Variants in FLNA observed in about 807,000 individuals in gnomAD.
The protein encoded by FLNA is filamin-A.
In FLNA, 7 loss-of-function variants were observed where a neutral mutation model predicts 157.6. That is an observed-to-expected ratio of 0.04 (90% CI 0.03 to 0.08). FLNA has a LOEUF of 0.08. FLNA is among the 10% of genes least tolerant of loss of function. The pLI, the probability that FLNA is intolerant of heterozygous loss-of-function variation, is 1.00. For missense variants in FLNA, 1,750 were observed against 2,398.4 expected, an observed-to-expected ratio of 0.73 and a Z score of 5.65; for synonymous variants, 1,103 against 1,060.8, an observed-to-expected ratio of 1.04 and a Z score of -0.77.
chrX:154,355,227 G>A (rs1200813063), intron 30 of FLNA, among the ~76,000 whole-genome samples, 155 bp from the exon 31 acceptor site: 1 of 113,564 alleles, frequency 8.8e-6, no homozygotes, highest in Non-Finnish European at 1.9e-5. Context: ...CCTCCAAGCT[G>A]GGATGGCGAG....
In FLNA at chrX:154,366,786, A is replaced by G. The variant is rs782592312; in HGVS notation, c.933T>C (p.Ala311=). Residue 311 remains alanine (A), a synonymous_variant, in exon 6 of 48, where the codon GCT becomes GCC. Transcript: ENST00000369850. The part of the protein sequence containing the change: ...RAEFTVETRS[A]GQGEVLVYVE... ...CGTACACCAGCACCTCTCCCTGGCC[A>G]GCACTTCTGGTCTCCACAGTGAACT... is the stretch of plus-strand genomic sequence containing the variant. The G allele has an allele frequency of 5.0e-6, 6 of 1,210,308 alleles. No homozygotes were observed. Among genetic ancestry groups the G allele is most frequent in the Non-Finnish European group, 6.7e-6 (6 of 895,129 alleles).
At chrX:154,371,576 G>T (rs1324683728) in intron 1 of FLNA, among the ~76,000 whole-genome samples, 3 of 112,974 alleles carry the variant, frequency 2.7e-5, no homozygotes, top group Non-Finnish European at 5.6e-5. Context: ...GGGCAAGGAT[G>T]CTCCCAGCCC....
Position 154,354,134 on chromosome X carries a change from A to C in FLNA, c.5557+17T>G. 8.3e-7 allele frequency: 1 copy of C among 1,211,526 alleles called. No individual in the cohort carries two copies. On this transcript the variant is annotated intron_variant, in intron 34 of 47. Coordinates refer to ENST00000369850, the MANE Select transcript of FLNA (RefSeq NM_001110556.2). ...GAGGTGGTGGCGGTGGAGTGGGCAG[A>C]GGCAGGGCAGGCCCACCTGGGATGT...
Position 154,364,082 on chromosome X carries a change from C to T in FLNA, c.2220G>A (p.Pro740=), listed in dbSNP as rs202055800. ...AGGACACCATGGCTGTGTGCTTCACCGGCTTCCTGGGCACGTAGGAGCAGC... is the reference window on the plus strand; with the variant it reads ...AGGACACCATGGCTGTGTGCTTCACTGGCTTCCTGGGCACGTAGGAGCAGC... ...TYSCSYVPRK[P]VKHTAMVSWG... is the part of the protein sequence containing the mutation. The change falls in exon 15 of 48, where the codon CCG becomes CCA. Residue 740 remains proline, a synonymous_variant. Transcript: ENST00000369850. The T allele has an allele frequency of 8.4e-5, 102 of 1,209,549 alleles. 1 individual carries two copies. Among genetic ancestry groups the T allele is most frequent in the East Asian group, 5.0e-4 (17 of 33,775 alleles).
At chrX:154,361,192 CA>C in intron 21 of FLNA, 115 bp downstream of exon 21, 2 of 686,678 alleles carry the variant, frequency 2.9e-6, no homozygotes, top group Non-Finnish European at 2.1e-6. Context: ...CAGTCTGTCT[CA>C]GGAAAAAAAA....
chrX:154,352,187 C>G lies in FLNA; in HGVS notation c.6763G>C (p.Val2255Leu), dbSNP rs1557175926. 3.3e-6 allele frequency: 4 copies of G among 1,209,516 alleles called. No individual in the cohort carries two copies. In the East Asian group the frequency reaches 1.2e-4, roughly 36 times the overall value. ...GGGGTGTGAGCAGGCCTACCTGGCA[C>G]TCCAGCTTCAGCTCTCTCCAGGCCA... The part of the protein sequence containing the change: ...GPGLERAEAG[V>L]PAEFSIWTRE... The change falls in exon 41 of 48, where the codon GTG becomes CTG. Residue 2255 changes from valine (V) to leucine (L), a missense_variant. By Grantham distance (32) the Val-to-Leu change is conservative (BLOSUM62 1). Coordinates refer to ENST00000369850, the MANE Select transcript of FLNA (RefSeq NM_001110556.2).
At chrX:154,361,273 G>C (rs782487981) in intron 21 of FLNA, 35 bp downstream of exon 21, 3 of 1,201,224 alleles carry the variant, frequency 2.5e-6, no homozygotes, top group Non-Finnish European at 3.4e-6. Context: ...GAGCACAGTG[G>C]GTTCTACCCT....
chrX:154,348,794 G>C lies in FLNA; in HGVS notation c.*55C>G. 1.8e-6 allele frequency: 2 copies of C among 1,118,414 alleles called. No individual in the cohort carries two copies. The highest frequency in any genetic ancestry group is 2.4e-6 in the Non-Finnish European group (2 of 822,841). The allele number at this position is 1,118,414 out of a possible 1,213,427, so 92.2% of individuals were successfully genotyped here. Reference sequence around the variant, plus strand: ...CCGGGGTTGAGGGGAAGAGGGCGGGGCTGCTTGGGTAGCGGGGCAGGCTTG... The same window carrying C: ...CCGGGGTTGAGGGGAAGAGGGCGGGCCTGCTTGGGTAGCGGGGCAGGCTTG... On this transcript the variant is annotated 3_prime_UTR_variant, in exon 48 of 48. Coordinates refer to ENST00000369850, the MANE Select transcript of FLNA (RefSeq NM_001110556.2).
rs1275811344 is a variant in FLNA, at chrX:154,362,342, G to T, written c.2566-10C>A. 1.7e-6 allele frequency: 2 copies of T among 1,208,355 alleles called. No homozygotes were observed. The highest frequency in any genetic ancestry group is 1.1e-6 in the Non-Finnish European group (1 of 893,874). On this transcript the variant is annotated splice_polypyrimidine_tract_variant and intron_variant, in intron 17 of 47. Transcript: ENST00000369850. ...GGCTGGTGGGCGTGGCCTGCAGGCA[G>T]TGGGAGGAGAAGGCCTTAGAGGAGG...
Position 154,366,750 on chromosome X carries a change from C to T in FLNA, c.969G>A (p.Pro323=), listed in dbSNP as rs782178449. The change falls in exon 6 of 48, where the codon CCG becomes CCA. Residue 323 remains proline (P), a synonymous_variant. Coordinates refer to ENST00000369850, the MANE Select transcript of FLNA (RefSeq NM_001110556.2). ...GCCCTACCTCCTCCTGGTGTCCGGC[C>T]GGGTCCTCCACGTACACCAGCACCT... ...QGEVLVYVED[P]AGHQEEAKVT... The T allele has an allele frequency of 5.9e-5, 71 of 1,208,783 alleles. No homozygotes were observed. In the South Asian group the frequency reaches 1.1e-3, roughly 19 times the overall value.
At chrX:154,373,766 C>T (rs1410478291) in intron 1 of FLNA, among the ~76,000 whole-genome samples, 1 of 113,305 alleles carries the variant, frequency 8.8e-6, no homozygotes, top group African/African-American at 3.2e-5. Flanking sequence ...AGTCCAGGTG[C>T]GGCAGGTGAG....
chrX:154,368,352 G>A (rs938137688), intron 2 of FLNA, among the ~76,000 whole-genome samples: 3 of 112,177 alleles, frequency 2.7e-5, no homozygotes, highest in Non-Finnish European at 5.7e-5. Context: ...ATTACTGCCA[G>A]AAGCCCTGGG....
intron 41 of FLNA, 62 bp downstream of exon 41, chrX:154,352,119 C>T: frequency 2.5e-6 from 3 of 1,207,782 alleles, no homozygotes; most frequent in South Asian, 3.5e-5. Context: ...CTCTTTCCTC[C>T]ACCCCCAACC....
intron 30 of FLNA, among the ~76,000 whole-genome samples, chrX:154,355,854 C>T (rs2067658757): frequency 8.9e-6 from 1 of 112,878 alleles, no homozygotes; most frequent in South Asian, 3.6e-4. Flanking sequence ...GCCGTGGAGG[C>T]TTGGGGGGCT....
chrX:154,361,326 G>A lies in FLNA; in HGVS notation c.3189C>T (p.Ala1063=), dbSNP rs1326988830. 2 of 1,210,528 alleles carry A rather than the reference G, an allele frequency of 1.7e-6. No homozygotes were observed. The highest frequency in any genetic ancestry group is 1.8e-5 in the South Asian group (1 of 56,985). Residue 1063 remains alanine, a synonymous_variant, in exon 21 of 48, where the codon GCC becomes GCT. Transcript: ENST00000369850. The part of the protein sequence containing the change: ...PGSPFPLEAV[A]PTKPSKVKAF... ...CAATTACCTTGCTAGGCTTGGTGGG[G>A]GCCACAGCTTCCAGAGGAAAGGGGC...
At position 154,366,846 on chromosome X, in the gene FLNA, G is replaced by A. The variant is rs782140428; in HGVS notation, c.873C>T (p.Ile291=). ...TCTTCACCATGTTGCCTGTGGGCTC[G>A]ATGCCTGGCAGGGGAAGGCGAGCCA... ...PKKARAYGPG[I]EPTGNMVKKR... Residue 291 remains isoleucine, a synonymous_variant, in exon 6 of 48, where the codon ATC becomes ATT. Coordinates refer to ENST00000369850, the MANE Select transcript of FLNA (RefSeq NM_001110556.2). The A allele has an allele frequency of 4.2e-5, 51 of 1,203,700 alleles. No homozygotes were observed. The highest frequency in any genetic ancestry group is 8.8e-5 in the South Asian group (5 of 56,761).
At chrX:154,361,223 G>T in intron 21 of FLNA, 85 bp downstream of exon 21, 1 of 941,471 alleles carries the variant, frequency 1.1e-6, no homozygotes, top group Non-Finnish European at 1.5e-6. Flanking sequence ...AGGATTTAGG[G>T]CAGGTCTGGA....
At chrX:154,370,834 C>T (rs375322837) in intron 2 of FLNA, 39 bp downstream of exon 2, 65 of 1,196,037 alleles carry the variant, frequency 5.4e-5, no homozygotes, top group Non-Finnish European at 6.4e-5. Context: ...GCACGGAGTC[C>T]CCGCCCCCGC....
Position 154,359,307 on chromosome X carries a change from G to A in FLNA, c.4242C>T (p.Tyr1414=), listed in dbSNP as rs2067686168. The A allele has an allele frequency of 4.1e-6, 5 of 1,211,200 alleles. No individual in the cohort carries two copies. Among genetic ancestry groups the A allele is most frequent in the Non-Finnish European group, 5.6e-6 (5 of 895,474 alleles). ...TGTAGGTGCCAGCCTCATAAGGGAT[G>A]TACTCGACCGAGCAGCTGCCGTCCT... The part of the protein sequence containing the change: ...DNKDGSCSVE[Y]IPYEAGTYSL... Residue 1414 remains tyrosine, a synonymous_variant, in exon 25 of 48, where the codon TAC becomes TAT. Transcript: ENST00000369850.
Sources: gnomAD v4.1 joint callset for allele counts (sites outside exome capture counted in the v4.1 genomes callset) on GRCh38, gnomAD v4.1.1 for gene constraint, MANE v1.5 for transcripts, NCBI Gene and HGNC (gene_info 2026-07-23, HGNC 2026-07-21) for gene names.